Variants in TPTE2 observed in about 807,000 individuals in gnomAD.
TPTE2 encodes phosphatidylinositol 3,4,5-trisphosphate 3-phosphatase TPTE2.
A neutral mutation model predicts 78.6 loss-of-function variants in TPTE2; 53 were observed. That is an observed-to-expected ratio of 0.67 (90% confidence interval 0.54 to 0.85). The LOEUF is 0.85. Ranked by LOEUF, TPTE2 falls within the 40% of genes least tolerant of loss-of-function variation. The probability of loss-of-function intolerance (pLI) is 0.00; values close to 1 mark genes in which losing one functional copy is unlikely to be tolerated. For synonymous variants in TPTE2, 175 were observed against 206.2 expected, an observed-to-expected ratio of 0.85 and a Z score of 1.30; for missense variants, 461 against 623.0, an observed-to-expected ratio of 0.74 and a Z score of 2.77.
upstream of TPTE2, among the ~76,000 whole-genome samples, chr13:19,505,280 A>G (rs971858919): frequency 3.9e-4 from 60 of 152,214 alleles, no homozygotes; most frequent in Non-Finnish European, 8.2e-4. Flanking sequence ...AGATGGGATT[A>G]CAGGCATGCA....
intron 1 of TPTE2, among the ~76,000 whole-genome samples, chr13:19,495,891 C>T (rs1415993064): frequency 1.3e-5 from 2 of 151,972 alleles, no homozygotes; most frequent in Non-Finnish European, 2.9e-5. Context: ...TTTTTTGAGA[C>T]AGAGTCTCAC....
At chr13:19,449,450 G>A (rs1457416247) in intron 13 of TPTE2, among the ~76,000 whole-genome samples, 3 of 152,168 alleles carry the variant, frequency 2.0e-5, no homozygotes, top group East Asian at 3.9e-4. Context: ...CTGAGATGTT[G>A]ATTAAAGGAT....
chr13:19,451,678 C>T (rs2497237), intron 10 of TPTE2, among the ~76,000 whole-genome samples: 148,042 of 152,198 alleles, frequency 0.97, 72,088 homozygotes, highest in East Asian at 1. Context: ...AAGTATATAG[C>T]ATGATTGTGT....
At chr13:19,518,910 C>T (rs1296428212) in intron 1 of TPTE2, among the ~76,000 whole-genome samples, 2 of 152,152 alleles carry the variant, frequency 1.3e-5, no homozygotes, top group African/African-American at 4.8e-5. Flanking sequence ...GAGCAGAAGC[C>T]ACAGAGCCAG....
chr13:19,451,024 C>T lies in TPTE2; in HGVS notation c.802+141G>A, dbSNP rs1593362937. 17 of 1,045,470 alleles carry T rather than the reference C, an allele frequency of 1.6e-5. No individual in the cohort carries two copies. In the East Asian group the frequency reaches 4.5e-4, roughly 28 times the overall value. The allele number at this position is 1,045,470 out of a possible 1,614,324, so 64.8% of individuals were successfully genotyped here. A position where few individuals can be genotyped will look rare whatever the true frequency, so the allele number is the denominator to read the frequency against. On this transcript the variant is annotated intron_variant, in intron 11 of 19. Coordinates refer to ENST00000400230, the Ensembl canonical transcript of TPTE2. ...ACTCCCTCTACTAAATGGGGCCAGT[C>T]CAAGATGGGGATTTTTAAATTCATT...
At chr13:19,490,414 A>G (rs1880928091) in intron 3 of TPTE2, among the ~76,000 whole-genome samples, 1 of 152,190 alleles carries the variant, frequency 6.6e-6, no homozygotes, top group Admixed American at 6.5e-5. Flanking sequence ...TCTTTGAAAC[A>G]TGGTGTTTAA....
the TPTE2 span, among the ~76,000 whole-genome samples, chr13:19,547,453 T>C: frequency 6.6e-6 from 1 of 152,148 alleles, no homozygotes; most frequent in Non-Finnish European, 1.5e-5. Flanking sequence ...CTGGCTATCA[T>C]TTCAGAAGAG....
intron 1 of TPTE2, among the ~76,000 whole-genome samples, chr13:19,497,697 G>T (rs2137657043): frequency 6.7e-6 from 1 of 150,166 alleles, no homozygotes; most frequent in Admixed American, 6.7e-5. Flanking sequence ...ACAAAGATGG[G>T]GAAAAAACAG....
chr13:19,556,871 C>T, the TPTE2 span, among the ~76,000 whole-genome samples: 1 of 151,952 alleles, frequency 6.6e-6, no homozygotes, highest in Admixed American at 6.6e-5. Context: ...CGCTGGAGAC[C>T]ATTTGTATTG....
Position 19,492,834 on chromosome 13 carries a change from T to A in TPTE2, c.119+16A>T, listed in dbSNP as rs373142966. ...ACTCTTATGCATACGTGTGTCTTCA[T>A]GTATTTATAACTCACCTTTTACTGA... is the stretch of plus-strand genomic sequence containing the variant. On this transcript the variant is annotated intron_variant, in intron 3 of 19. Coordinates refer to ENST00000400230, the Ensembl canonical transcript of TPTE2. The A allele has an allele frequency of 5.0e-5, 81 of 1,613,674 alleles. No homozygotes were observed. The highest frequency in any genetic ancestry group is 6.0e-5 in the Non-Finnish European group (71 of 1,179,716).
chr13:19,488,201 G>A (rs1262027480), intron 3 of TPTE2, among the ~76,000 whole-genome samples: 4 of 152,180 alleles, frequency 2.6e-5, no homozygotes, highest in African/African-American at 2.4e-5. Flanking sequence ...TAGGGGAGAT[G>A]AGCACCAGGC....
intron 3 of TPTE2, among the ~76,000 whole-genome samples, chr13:19,492,285 C>T (rs1446705092): frequency 1.3e-5 from 2 of 152,080 alleles, no homozygotes; most frequent in East Asian, 1.9e-4. Context: ...TGGGTCTAGG[C>T]ACCAACCTCA....
the TPTE2 span, among the ~76,000 whole-genome samples, chr13:19,542,199 G>A: frequency 6.6e-6 from 1 of 151,992 alleles, no homozygotes; most frequent in Admixed American, 6.6e-5. Context: ...CTGTCACTCA[G>A]GATGGAGTAC....
At position 19,439,551 on chromosome 13, in the gene TPTE2, G is replaced by A. The variant is rs948737881; in HGVS notation, c.974-1398C>T. Among the ~76,000 whole-genome samples the A allele has an allele frequency of 5.9e-5, 9 of 152,202 alleles. No homozygotes were observed. In the South Asian group the frequency reaches 8.3e-4, roughly 14 times the overall value. ...ACCCATGCAAGAATTCTGGCACCAT[G>A]AGAAATCTGAATGTAGTGACACTAC... On this transcript the variant is annotated intron_variant, in intron 13 of 19. Transcript: ENST00000400230.
intron 10 of TPTE2, among the ~76,000 whole-genome samples, chr13:19,460,044 A>T (rs74035057): frequency 0.011 from 1,625 of 152,276 alleles, 26 homozygotes; most frequent in African/African-American, 0.037. Context: ...GATTCAGCCC[A>T]CTTCCCAGAG....
At chr13:19,545,709 A>AT in the TPTE2 span, among the ~76,000 whole-genome samples, 1 of 152,208 alleles carries the variant, frequency 6.6e-6, no homozygotes, top group Non-Finnish European at 1.5e-5. Context: ...AGTCCCGTCC[A>AT]TTCATGCATC....
At chr13:19,442,873 T>G (rs1019375529) in intron 13 of TPTE2, among the ~76,000 whole-genome samples, 3 of 152,040 alleles carry the variant, frequency 2.0e-5, no homozygotes, top group African/African-American at 7.2e-5. Context: ...ATAAAAACAT[T>G]CTATATAGGG....
chr13:19,489,638 G>A (rs1880873031), intron 3 of TPTE2, among the ~76,000 whole-genome samples: 1 of 149,102 alleles, frequency 6.7e-6, no homozygotes, highest in South Asian at 2.1e-4. Flanking sequence ...GTAGACATAT[G>A]TATATAGATA....
chr13:19,474,342 G>C (rs981889933), intron 5 of TPTE2, among the ~76,000 whole-genome samples: 1 of 152,126 alleles, frequency 6.6e-6, no homozygotes, highest in African/African-American at 2.4e-5. Flanking sequence ...TTTTATAGTA[G>C]ACACATCAGA....
Sources: allele counts gnomAD v4.1 joint callset (sites outside exome capture counted in the v4.1 genomes callset), GRCh38; gene constraint gnomAD v4.1.1; transcripts MANE v1.5; gene names NCBI Gene and HGNC (gene_info 2026-07-23, HGNC 2026-07-21).